The following RPS24 variants were observed in gnomAD, a reference collection of about 807,000 sequenced individuals.
The protein encoded by RPS24 is small ribosomal subunit protein eS24.
For missense variants in RPS24, 100 were observed against 162.5 expected (o/e 0.62, Z 2.09); for synonymous variants, 72 against 55.6 (o/e 1.30, Z -1.31).
At chr10:78,035,255 C>T in intron 1 of RPS24, 97 bp from the exon 2 acceptor site, 1 of 1,221,940 alleles carries the variant, frequency 8.2e-7, no homozygotes. Context: ...TGACTAATGG[C>T]TACAAATTGG....
chr10:78,040,230 A>G lies in RPS24; in HGVS notation c.*19+5A>G. On this transcript the variant is annotated splice_donor_5th_base_variant and intron_variant, in intron 5 of 5. Transcript: ENST00000372360. The stretch of plus-strand genomic sequence containing the variant: ...GAGCTGGAGATTGGATCACAGGTAT[A>G]ATTCAAGCTTTTCATGTAGTCATGT... 1 of 1,613,082 alleles carries G rather than the reference A, an allele frequency of 6.2e-7. No homozygotes were observed. The highest frequency in any genetic ancestry group is 8.5e-7 in the Non-Finnish European group (1 of 1,179,098).
chr10:78,054,878 A>T lies in RPS24; in HGVS notation c.738A>T (p.Glu246Asp), dbSNP rs1037400575. 9 of 1,546,622 alleles carry T rather than the reference A, an allele frequency of 5.8e-6. No individual in the cohort carries two copies. The African/African-American group carries it at 9.6e-5, about 17-fold the overall frequency. The change falls in exon 5 of 5, where the codon GAA becomes GAT. Residue 246 changes from glutamate (E) to aspartate (D), a missense_variant. Glu to Asp is a conservative substitution (Grantham distance 45, BLOSUM62 2). Transcript: ENST00000440692. ...GTGACTTGGTCCTCCACTTGCCAGA[A>T]GCCTTGTCAGCAACCTTGACTCTGT... is the stretch of plus-strand genomic sequence containing the variant.
chr10:78,047,932 C>T (rs1848062437), intron 4 of RPS24, among the ~76,000 whole-genome samples: 1 of 152,198 alleles, frequency 6.6e-6, no homozygotes, highest in African/African-American at 2.4e-5. Flanking sequence ...CTTAGCTCTG[C>T]CCCACCACAC....
chr10:78,037,038 T>C (rs1847884614), intron 3 of RPS24, among the ~76,000 whole-genome samples, 156 bp from the exon 4 acceptor site: 1 of 152,212 alleles, frequency 6.6e-6, no homozygotes, highest in Non-Finnish European at 1.5e-5. Flanking sequence ...GATGATCCTT[T>C]CTGTTCCAGC....
At chr10:78,034,307 G>T (rs749612212) in intron 1 of RPS24, 27 of 312,458 alleles carry the variant, frequency 8.6e-5, no homozygotes, top group Non-Finnish European at 1.6e-4. Flanking sequence ...CAGCGCCTGG[G>T]CGAGTTGCGG....
chr10:78,046,569 G>T (rs564274218), intron 4 of RPS24, among the ~76,000 whole-genome samples: 1 of 151,994 alleles, frequency 6.6e-6, no homozygotes, highest in South Asian at 2.1e-4. Context: ...TGGCCAGGCT[G>T]GTCTTGAACT....
chr10:78,054,806 G>T (rs1848134734), exon 5 of RPS24: 2 of 1,551,714 alleles, frequency 1.3e-6, no homozygotes. Context: ...GAGCCTTCAT[G>T]TCGCCTGCCT....
At chr10:78,053,241 C>G (rs374718768) in intron 4 of RPS24, among the ~76,000 whole-genome samples, 1 of 151,882 alleles carries the variant, frequency 6.6e-6, no homozygotes, top group South Asian at 2.1e-4. Context: ...GGGCCTGCCC[C>G]CTGGGAAGCA....
At chr10:78,054,042 A>G (rs1848126955) in intron 4 of RPS24, among the ~76,000 whole-genome samples, 1 of 152,062 alleles carries the variant, frequency 6.6e-6, no homozygotes, top group Admixed American at 6.5e-5. Context: ...GGTGTGGGTG[A>G]AGGCCATACC....
At chr10:78,049,724 A>C (rs761220659) in intron 4 of RPS24, among the ~76,000 whole-genome samples, 3 of 152,218 alleles carry the variant, frequency 2.0e-5, no homozygotes, top group Non-Finnish European at 4.4e-5. Flanking sequence ...CCTTGACCCT[A>C]AGAGCACCTT....
chr10:78,047,043 C>T (rs749092598), intron 4 of RPS24, among the ~76,000 whole-genome samples: 14 of 151,920 alleles, frequency 9.2e-5, no homozygotes, highest in Non-Finnish European at 2.1e-4. Context: ...TCACTGCAAC[C>T]TCCGCCTCCT....
chr10:78,033,946 G>A (rs764920567), intron 1 of RPS24, 42 bp downstream of exon 1: 9 of 1,613,372 alleles, frequency 5.6e-6, no homozygotes, highest in South Asian at 5.5e-5. Context: ...CCGCGTATCC[G>A]AGCCATCCGT....
chr10:78,046,170 A>G (rs534858302), intron 4 of RPS24, among the ~76,000 whole-genome samples: 2 of 152,182 alleles, frequency 1.3e-5, no homozygotes, highest in South Asian at 2.1e-4. Context: ...AAGTTTCTCT[A>G]AGATCCGTTC....
At chr10:78,042,408 C>T (rs1249942960), downstream of RPS24, among the ~76,000 whole-genome samples, 1 of 152,208 alleles carries the variant, frequency 6.6e-6, no homozygotes, top group Non-Finnish European at 1.5e-5. Flanking sequence ...CTGCTAGCTA[C>T]CCTGGCTCAC....
intron 4 of RPS24, among the ~76,000 whole-genome samples, chr10:78,048,087 G>C (rs547240885): frequency 1.3e-5 from 2 of 152,166 alleles, no homozygotes; most frequent in Non-Finnish European, 2.9e-5. Context: ...AGACTGCCTT[G>C]TGCTTTTCAA....
chr10:78,044,509 A>G (rs1056098630), downstream of RPS24, among the ~76,000 whole-genome samples: 1 of 152,156 alleles, frequency 6.6e-6, no homozygotes, highest in African/African-American at 2.4e-5. Context: ...GTTGGCTGCT[A>G]GAGCACAGAA....
intron 4 of RPS24, chr10:78,037,611 G>T: frequency 2.7e-6 from 1 of 365,164 alleles, no homozygotes; most frequent in Non-Finnish European, 5.1e-6. Flanking sequence ...TTACTAATTG[G>T]CATAGAACCT....
intron 4 of RPS24, among the ~76,000 whole-genome samples, chr10:78,050,286 G>A (rs1848086638): frequency 6.6e-6 from 1 of 152,012 alleles, no homozygotes; most frequent in Admixed American, 6.5e-5. Flanking sequence ...CATCCTCCTT[G>A]CCACTTCCCA....
At chr10:78,040,534 AGT>A in intron 5 of RPS24, 79 bp from the exon 6 acceptor site, 1 of 970,698 alleles carries the variant, frequency 1.0e-6, no homozygotes, top group Non-Finnish European at 1.7e-6. Flanking sequence ...GTTGTGCATG[AGT>A]GTTACTACTT....
Sources: allele counts gnomAD v4.1 joint callset (sites outside exome capture counted in the v4.1 genomes callset), GRCh38; gene constraint gnomAD v4.1.1; transcripts MANE v1.5; gene names NCBI Gene and HGNC (gene_info 2026-07-23, HGNC 2026-07-21).